The following HTT variants were observed in gnomAD, a reference collection of about 807,000 sequenced individuals.
The protein encoded by HTT is huntingtin.
Under a neutral mutation model 362.3 loss-of-function variants are expected in HTT, and 104 were observed. The ratio of observed to expected loss-of-function variants is 0.29; its 90% CI spans 0.24 to 0.34. The LOEUF is 0.34. HTT is among the 10% of genes least tolerant of loss of function. HTT has a pLI of 1.00. For missense variants in HTT, 3,301 were observed against 3,928.6 expected, an observed-to-expected ratio of 0.84 and a Z score of 4.27; for synonymous variants, 1,577 against 1,548.7, an observed-to-expected ratio of 1.02 and a Z score of -0.43.
At chr4:3,217,690 G>T in intron 51 of HTT, 75 bp from the exon 52 acceptor site, 7 of 1,290,394 alleles carry the variant, frequency 5.4e-6, no homozygotes, top group Non-Finnish European at 7.6e-6. Flanking sequence ...GCAGCTGGTT[G>T]TAGGTCATGC....
At position 3,218,931 on chromosome 4, in the gene HTT, G is replaced by T. The variant is rs1301460636; in HGVS notation, c.7242+979G>T. On this transcript the variant is annotated intron_variant, in intron 52 of 66. Coordinates refer to ENST00000355072, the MANE Select transcript of HTT (RefSeq NM_001388492.1). The surrounding 1 kb of genome is among the most constrained non-coding windows in gnomAD (Gnocchi z 4.4). The stretch of plus-strand genomic sequence containing the variant: ...GGCTGCCTGAGAAGGGTGCGTGCCT[G>T]CCTGTGTGTGTGTGTGCACGTGTGT... 3.3e-5 allele frequency among the ~76,000 whole-genome samples: 5 copies of T among 152,196 alleles called. No homozygotes were observed. The highest frequency in any genetic ancestry group is 6.5e-5 in the Admixed American group (1 of 15,280).
chr4:3,155,173 T>C (rs1253234838), intron 27 of HTT, among the ~76,000 whole-genome samples: 1 of 152,036 alleles, frequency 6.6e-6, no homozygotes, highest in East Asian at 1.9e-4. Context: ...CTCCCATTTG[T>C]TTTGTGTATA....
chr4:3,197,845 A>G (rs532945773), intron 40 of HTT, among the ~76,000 whole-genome samples: 1 of 152,086 alleles, frequency 6.6e-6, no homozygotes, highest in South Asian at 2.1e-4. Flanking sequence ...AAACCCCTAC[A>G]TCCCGGGTCT....
At chr4:3,175,347 G>A (rs998723591) in intron 33 of HTT, among the ~76,000 whole-genome samples, 2 of 152,288 alleles carry the variant, frequency 1.3e-5, no homozygotes, top group South Asian at 2.1e-4. Context: ...TTGGCTGTTA[G>A]GGATTTCCAA....
intron 53 of HTT, 26 bp downstream of exon 53, chr4:3,220,334 T>C (rs1578601234): frequency 1.2e-6 from 2 of 1,601,688 alleles, no homozygotes; most frequent in East Asian, 4.5e-5. Context: ...CTCCTTCAGG[T>C]CACCATTGTC....
chr4:3,229,398 A>C lies in HTT; in HGVS notation c.8109+389A>C, dbSNP rs1268506971. Among the ~76,000 whole-genome samples the C allele has an allele frequency of 2.8e-5, 4 of 140,696 alleles. No individual in the cohort carries two copies. The East Asian group carries it at 6.5e-4, about 23-fold the overall frequency. 92.3% of individuals were successfully genotyped at this position (140,696 alleles called of 152,430 possible). Reference sequence around the variant, plus strand: ...CATGCCACGTGCACACACCCCACACACCACATGTATGTGCCACACACAGCA... The same window carrying C: ...CATGCCACGTGCACACACCCCACACCCCACATGTATGTGCCACACACAGCA... On this transcript the variant is annotated intron_variant, in intron 59 of 66. Coordinates refer to ENST00000355072, the MANE Select transcript of HTT (RefSeq NM_001388492.1).
In HTT at chr4:3,238,523, C is replaced by G; in HGVS notation, c.8968C>G (p.Pro2990Ala). The G allele has an allele frequency of 6.2e-7, 1 of 1,613,420 alleles. No individual in the cohort carries two copies. The highest frequency in any genetic ancestry group is 2.2e-5 in the East Asian group (1 of 44,868). Residue 2990 changes from proline (P) to alanine (A), a missense_variant, in exon 65 of 67, where the codon CCC becomes GCC. This residue lies in a region of HTT where 753 missense variants were observed against 1,021.3 expected (regional missense o/e 0.74). Coordinates refer to ENST00000355072, the MANE Select transcript of HTT (RefSeq NM_001388492.1). Reference sequence around the variant, plus strand: ...CCAGTTTCTAGACGACTTCTTCCCACCCCAGGACATCATGAACAAAGTCAT... The same window carrying G: ...CCAGTTTCTAGACGACTTCTTCCCAGCCCAGGACATCATGAACAAAGTCAT... ...LPQFLDDFFP[P>A]QDIMNKVIGE...
intron 19 of HTT, among the ~76,000 whole-genome samples, chr4:3,135,074 G>A (rs1215343326): frequency 1.3e-5 from 2 of 151,686 alleles, no homozygotes; most frequent in East Asian, 1.9e-4. Flanking sequence ...GGTAGTCCTC[G>A]TCATTTAAGT....
intron 38 of HTT, 60 bp downstream of exon 38, chr4:3,186,779 T>A: frequency 1.3e-6 from 2 of 1,544,828 alleles, no homozygotes; most frequent in Non-Finnish European, 1.8e-6. Flanking sequence ...CTCTGATTAC[T>A]GGGACCACCC....
intron 37 of HTT, 35 bp from the exon 38 acceptor site, chr4:3,186,562 T>A (rs764280994): frequency 1.5e-5 from 24 of 1,601,144 alleles, no homozygotes; most frequent in Non-Finnish European, 2.0e-5. Context: ...TTCTTTTGGC[T>A]TACGTAGAAA....
chr4:3,214,078 G>A lies in HTT; in HGVS notation c.6895G>A (p.Glu2299Lys). ...PGLWSVVSSTEFVTHACSLIY... is the reference protein window; with the variant it reads ...PGLWSVVSSTKFVTHACSLIY... ...CCTCTGGAGCGTGGTCTCCTCCACA[G>A]AGTTTGTGACCCACGCCTGCTCCCT... is the stretch of plus-strand genomic sequence containing the variant. Residue 2299 changes from glutamate (E) to lysine (K), a missense_variant, in exon 50 of 67, where the codon GAG (glutamate) becomes AAG (lysine). Around this residue, in one of 4 missense-constraint regions of HTT, gnomAD observed 220 missense variants for 218.5 expected, o/e 1.01. Transcript: ENST00000355072. 1.2e-6 allele frequency: 2 copies of A among 1,606,002 alleles called. No homozygotes were observed. Among genetic ancestry groups the A allele is most frequent in the East Asian group, 2.3e-5 (1 of 44,212 alleles).
intron 27 of HTT, among the ~76,000 whole-genome samples, chr4:3,155,787 A>C (rs987910314): frequency 6.7e-6 from 1 of 149,242 alleles, no homozygotes; most frequent in South Asian, 2.1e-4. Flanking sequence ...CGTCCCAGCT[A>C]CTTGGGAGGC....
At chr4:3,085,487 T>C (rs1380438579) in intron 1 of HTT, among the ~76,000 whole-genome samples, 1 of 152,202 alleles carries the variant, frequency 6.6e-6, no homozygotes, top group Non-Finnish European at 1.5e-5. Context: ...CAAAAGTGAT[T>C]GAAAAGCCAG....
At position 3,157,252 on chromosome 4, in the gene HTT, A is replaced by G; in HGVS notation, c.3753+53A>G. ...ATATATGCACACATACTTACGTCTA[A>G]TGGATAGTTGATGTTTTTCTTATGA... On this transcript the variant is annotated intron_variant, in intron 28 of 66. Coordinates refer to ENST00000355072, the MANE Select transcript of HTT (RefSeq NM_001388492.1). The G allele has an allele frequency of 1.3e-5, 20 of 1,492,758 alleles. 1 individual carries two copies. The South Asian group carries it at 2.4e-4, about 18-fold the overall frequency. The allele number at this position is 1,492,758 out of a possible 1,614,324, so 92.5% of individuals were successfully genotyped here. A position where few individuals can be genotyped will look rare whatever the true frequency, so the allele number is the denominator to read the frequency against.
chr4:3,212,890 C>T, intron 49 of HTT, 181 bp downstream of exon 49: 7 of 637,482 alleles, frequency 1.1e-5, no homozygotes, highest in Non-Finnish European at 1.9e-5. Flanking sequence ...TCACCCTCAC[C>T]TCGCCACTCC....
intron 24 of HTT, 71 bp downstream of exon 24, chr4:3,145,299 C>T: frequency 9.3e-7 from 1 of 1,073,214 alleles, no homozygotes; most frequent in Non-Finnish European, 1.4e-6. Context: ...TATTAGGATG[C>T]CCTTTTTCTT....
intron 29 of HTT, among the ~76,000 whole-genome samples, chr4:3,170,711 G>T (rs1717930090): frequency 6.6e-6 from 1 of 152,184 alleles, no homozygotes; most frequent in East Asian, 1.9e-4. Context: ...TCTCAAAGCA[G>T]CGAGTTGGGG....
In HTT at chr4:3,107,279, A is replaced by C. The variant is rs773263075; in HGVS notation, c.609-6A>C. ...AAGAATGACTTGCGTTCTTTTGCATACACAGGCCTTACCTGGTGAACCTTC... is the reference window on the plus strand; with the variant it reads ...AAGAATGACTTGCGTTCTTTTGCATCCACAGGCCTTACCTGGTGAACCTTC... On this transcript the variant is annotated splice_polypyrimidine_tract_variant and splice_region_variant and intron_variant, in intron 5 of 66. Coordinates refer to ENST00000355072, the MANE Select transcript of HTT (RefSeq NM_001388492.1). 1.9e-6 allele frequency: 3 copies of C among 1,613,278 alleles called. No homozygotes were observed. In the East Asian group the frequency reaches 6.7e-5, roughly 36 times the overall value.
chr4:3,209,728 G>A (rs768571764), intron 46 of HTT, 99 bp from the exon 47 acceptor site: 76 of 1,432,966 alleles, frequency 5.3e-5, no homozygotes, highest in African/African-American at 9.8e-5. Flanking sequence ...AGCCTAGTGC[G>A]GTGTTCCCAA....
Sources: gnomAD v4.1 joint callset for allele counts (sites outside exome capture counted in the v4.1 genomes callset) on GRCh38, gnomAD v4.1.1 for gene constraint, gnomAD v4.1.1 regional missense constraint, Gnocchi (gnomAD v3.1) non-coding constraint, MANE v1.5 for transcripts, NCBI Gene and HGNC (gene_info 2026-07-23, HGNC 2026-07-21) for gene names.